NT5C2: variants seen among roughly 807,000 people sequenced by gnomAD.
The protein encoded by NT5C2 is 5'-nucleotidase, cytosolic II, also known as cytosolic purine 5'-nucleotidase.
Under a neutral mutation model 76.1 loss-of-function variants are expected in NT5C2, and 58 were observed. The observed-to-expected ratio is 0.76, with a 90% CI of 0.62 to 0.95. The LOEUF (loss-of-function observed/expected upper bound fraction) is 0.95, where lower values mean the gene tolerates loss of function less well. NT5C2 is among the 40% of genes least tolerant of loss of function. The probability of loss-of-function intolerance (pLI) is 0.00; values close to 1 mark genes in which losing one functional copy is unlikely to be tolerated. For missense variants in NT5C2, 478 were observed against 690.3 expected (o/e 0.69, Z 3.45); for synonymous variants, 229 against 237.4 (o/e 0.96, Z 0.32).
At chr10:103,154,442 G>T (rs1165370589) in intron 3 of NT5C2, among the ~76,000 whole-genome samples, 1 of 151,874 alleles carries the variant, frequency 6.6e-6, no homozygotes, top group Non-Finnish European at 1.5e-5. Flanking sequence ...AAATAAAAAA[G>T]AAAAAACAAA....
intron 10 of NT5C2, 111 bp from the exon 11 acceptor site, chr10:103,097,485 G>A (rs1044748886): frequency 1.7e-5 from 14 of 837,006 alleles, no homozygotes; most frequent in Middle Eastern, 2.3e-4. Flanking sequence ...AACCTTTTAA[G>A]GGTTAGCTGA....
chr10:103,136,170 A>G (rs184476695), intron 4 of NT5C2, among the ~76,000 whole-genome samples: 24 of 152,294 alleles, frequency 1.6e-4, no homozygotes, highest in African/African-American at 5.8e-4. Flanking sequence ...AATACACCAT[A>G]TGTTTCTATT....
intron 12 of NT5C2, among the ~76,000 whole-genome samples, chr10:103,095,729 A>T (rs1432985650): frequency 6.6e-6 from 1 of 152,238 alleles, no homozygotes; most frequent in African/African-American, 2.4e-5. Flanking sequence ...TCTATTAAGT[A>T]TTCAAGTTGC....
At chr10:103,145,988 G>A (rs146134020) in intron 3 of NT5C2, 27 of 870,798 alleles carry the variant, frequency 3.1e-5, no homozygotes, top group Middle Eastern at 5.8e-4. Context: ...TTTGTAAATA[G>A]CAATCTTAAT....
chr10:103,152,069 G>C (rs796554155), intron 3 of NT5C2, among the ~76,000 whole-genome samples: 11 of 152,210 alleles, frequency 7.2e-5, no homozygotes, highest in African/African-American at 2.6e-4. Flanking sequence ...CTTTAACCGC[G>C]TCTAGAAATA....
rs1471338538 is a variant in NT5C2 at position 103,089,671 on chromosome 10, C to T, written c.*1G>A. The T allele has an allele frequency of 1.9e-6, 3 of 1,592,916 alleles. No individual in the cohort carries two copies. The highest frequency in any genetic ancestry group is 2.2e-5 in the East Asian group (1 of 44,746). Reference sequence around the variant, plus strand: ...GGTGCTTGGGGTTTTGGTTTTCCTCCTTATTCTTCCTCCTCCTCCTCCTCT... The same window carrying T: ...GGTGCTTGGGGTTTTGGTTTTCCTCTTTATTCTTCCTCCTCCTCCTCCTCT... On this transcript the variant is annotated 3_prime_UTR_variant, in exon 19 of 19. Transcript: ENST00000404739.
intron 4 of NT5C2, among the ~76,000 whole-genome samples, chr10:103,113,739 C>T (rs759134231): frequency 2.0e-5 from 3 of 152,104 alleles, no homozygotes; most frequent in Non-Finnish European, 2.9e-5. Context: ...AATCAAATGA[C>T]TAAGAAAGTA....
At chr10:103,097,452 T>C in intron 10 of NT5C2, 78 bp from the exon 11 acceptor site, 1 of 1,230,342 alleles carries the variant, frequency 8.1e-7, no homozygotes, top group Non-Finnish European at 1.2e-6. Context: ...ATACTGGATT[T>C]CTGTCCACAA....
At chr10:103,169,965 T>C (rs1591707968) in intron 3 of NT5C2, among the ~76,000 whole-genome samples, 2 of 151,872 alleles carry the variant, frequency 1.3e-5, no homozygotes, top group South Asian at 2.1e-4. Flanking sequence ...TCTCTAAAAA[T>C]ACAAAAATTA....
At chr10:103,142,667 CA>C (rs1431334027) in intron 3 of NT5C2, among the ~76,000 whole-genome samples, 3 of 147,648 alleles carry the variant, frequency 2.0e-5, no homozygotes, top group African/African-American at 4.9e-5. Flanking sequence ...GACCCTGTTT[CA>C]AAAAGAAAAA....
At chr10:103,129,982 C>A (rs1262024491) in intron 4 of NT5C2, among the ~76,000 whole-genome samples, 98 of 148,872 alleles carry the variant, frequency 6.6e-4, no homozygotes, top group Non-Finnish European at 1.1e-3. Context: ...AGGTGAGGGG[C>A]GCCTCTGCCC....
intron 9 of NT5C2, 25 bp from the exon 10 acceptor site, chr10:103,099,009 TAAGAA>T (rs749086807): frequency 2.8e-5 from 44 of 1,564,824 alleles, no homozygotes; most frequent in Non-Finnish European, 3.3e-5. Flanking sequence ...AAAAAAGAAT[TAAGAA>T]AAGAACAAAA....
rs2066179964 is a variant in NT5C2, at chr10:103,089,654, GGGTTTT to G, written c.*12_*17del. The stretch of plus-strand genomic sequence containing the variant: ...CCAGGACTTGTTTAATGGGTGCTTG[GGGTTTT>G]GGTTTTCCTCCTTATTCTTCCTCCT... On this transcript the variant is annotated 3_prime_UTR_variant, in exon 19 of 19. Transcript: ENST00000404739. The G allele has an allele frequency of 6.3e-7, 1 of 1,576,634 alleles. No individual in the cohort carries two copies. Among genetic ancestry groups the G allele is most frequent in the African/African-American group, 1.4e-5 (1 of 74,018 alleles).
At chr10:103,163,773 T>A (rs1218890789) in intron 3 of NT5C2, among the ~76,000 whole-genome samples, 3 of 150,830 alleles carry the variant, frequency 2.0e-5, no homozygotes, top group Non-Finnish European at 4.4e-5. Flanking sequence ...TCCCAGCACT[T>A]TGGGAGGCTG....
At chr10:103,093,063 A>G (rs1238220907) in intron 15 of NT5C2, 76 bp downstream of exon 15, 4 of 1,286,906 alleles carry the variant, frequency 3.1e-6, no homozygotes, top group Non-Finnish European at 4.2e-6. Context: ...ATACAAAGTA[A>G]TGGTTTATCA....
chr10:103,129,947 C>G (rs1322692760), intron 4 of NT5C2, among the ~76,000 whole-genome samples: 18 of 129,134 alleles, frequency 1.4e-4, no homozygotes, highest in East Asian at 5.3e-4. Context: ...TCAGCCCCCC[C>G]GCCCGGCCAG....
At chr10:103,105,647 T>C in intron 6 of NT5C2, 59 bp downstream of exon 6, 1 of 1,097,076 alleles carries the variant, frequency 9.1e-7, no homozygotes, top group Non-Finnish European at 1.4e-6. Flanking sequence ...GGAGATGATG[T>C]CATCTTCACA....
At chr10:103,125,813 T>C (rs553844272) in intron 4 of NT5C2, among the ~76,000 whole-genome samples, 1 of 152,314 alleles carries the variant, frequency 6.6e-6, no homozygotes, top group South Asian at 2.1e-4. Context: ...AATTCAGCAA[T>C]ATAACACTTT....
chr10:103,158,235 A>C (rs1041046180), intron 3 of NT5C2, among the ~76,000 whole-genome samples: 1 of 152,158 alleles, frequency 6.6e-6, no homozygotes, highest in Non-Finnish European at 1.5e-5. Flanking sequence ...AGCAGTGCTC[A>C]GAAGAAAATT....
Sources: gnomAD v4.1 joint callset for allele counts (sites outside exome capture counted in the v4.1 genomes callset) on GRCh38, gnomAD v4.1.1 for gene constraint, MANE v1.5 for transcripts, NCBI Gene and HGNC (gene_info 2026-07-23, HGNC 2026-07-21) for gene names.